The following GNS variants were observed in gnomAD, a reference collection of about 807,000 sequenced individuals.
GNS encodes N-acetylglucosamine-6-sulfatase.
Under a neutral mutation model 69.7 loss-of-function variants are expected in GNS, and 40 were observed. The ratio of observed to expected loss-of-function variants is 0.57; its 90% confidence interval spans 0.45 to 0.75. The LOEUF (loss-of-function observed/expected upper bound fraction) is 0.75, where lower values mean the gene tolerates loss of function less well. Ranked by LOEUF, GNS falls within the 30% of genes least tolerant of loss-of-function variation. GNS has a pLI of 0.00. For synonymous variants in GNS, 243 were observed against 251.6 expected, an observed-to-expected ratio of 0.97 and a Z score of 0.32; for missense variants, 565 against 685.5, an observed-to-expected ratio of 0.82 and a Z score of 1.96.
In GNS at chr12:64,716,198, CTACT is replaced by C. The variant is rs1159087658; in HGVS notation, c.*539_*542del. On this transcript the variant is annotated 3_prime_UTR_variant, in exon 14 of 14. Coordinates refer to ENST00000258145, the MANE Select transcript of GNS (RefSeq NM_002076.4). ...GATGAACATCATAAAAAATGTATCT[CTACT>C]TATCAATCAACAATGGTACTTGTTC... 1 of 176,896 alleles carries C rather than the reference CTACT, an allele frequency of 5.7e-6. No individual in the cohort carries two copies. The highest frequency in any genetic ancestry group is 1.2e-5 in the Non-Finnish European group (1 of 80,512). The allele number at this position is 176,896 out of a possible 1,614,324, so 11.0% of individuals were successfully genotyped here. A position where few individuals can be genotyped will look rare whatever the true frequency, so the allele number is the denominator to read the frequency against.
At chr12:64,750,931 T>C (rs1565628137) in intron 2 of GNS, among the ~76,000 whole-genome samples, 1 of 152,168 alleles carries the variant, frequency 6.6e-6, no homozygotes. Flanking sequence ...GAAAGAAATG[T>C]ATATAAAATG....
At chr12:64,737,941 T>G (rs781004035) in intron 8 of GNS, among the ~76,000 whole-genome samples, 1 of 152,066 alleles carries the variant, frequency 6.6e-6, no homozygotes, top group Non-Finnish European at 1.5e-5. Flanking sequence ...CACTTCTCCC[T>G]GTAAATTCGT....
At position 64,732,190 on chromosome 12, in the gene GNS, C is replaced by T. The variant is rs1175715062; in HGVS notation, c.1099-3133G>A. On this transcript the variant is annotated intron_variant, in intron 9 of 13. Coordinates refer to ENST00000258145, the MANE Select transcript of GNS (RefSeq NM_002076.4). ...TGTTGTTTTTTTTTTTTTTTTGAGA[C>T]GGAGTCTCACTCTGTCACCCAGGCT... Among the ~76,000 whole-genome samples, 7 of 35,656 alleles carry T rather than the reference C, an allele frequency of 2.0e-4. No individual in the cohort carries two copies. The Admixed American group carries it at 2.0e-3, about 10-fold the overall frequency. 23.4% of individuals were successfully genotyped at this position (35,656 alleles called of 152,430 possible).
chr12:64,731,410 G>C (rs1327354962), intron 9 of GNS, among the ~76,000 whole-genome samples: 1 of 152,144 alleles, frequency 6.6e-6, no homozygotes, highest in Admixed American at 6.5e-5. Flanking sequence ...GCTCTCTGGA[G>C]ATAAAGGGGT....
intron 9 of GNS, among the ~76,000 whole-genome samples, chr12:64,733,297 CAAAAAAAAA>C (rs961321163): frequency 1.2e-3 from 31 of 26,652 alleles, no homozygotes; most frequent in African/African-American, 2.6e-3. Flanking sequence ...GACCCTGTCT[CAAAAAAAAA>C]AAAAAAAAAA....
chr12:64,747,186 C>T (rs74099656), intron 3 of GNS, among the ~76,000 whole-genome samples: 5,140 of 152,242 alleles, frequency 0.034, 320 homozygotes, highest in African/African-American at 0.12. Flanking sequence ...ATGACCTGCA[C>T]GACCCTGACT....
rs760289073 is a variant in GNS at position 64,723,133 on chromosome 12, G to C, written c.1201-20C>G. 1.5e-6 allele frequency: 2 copies of C among 1,339,148 alleles called. No individual in the cohort carries two copies. Among genetic ancestry groups the C allele is most frequent in the Non-Finnish European group, 2.2e-6 (2 of 928,536 alleles). The allele number at this position is 1,339,148 out of a possible 1,614,324, so 83.0% of individuals were successfully genotyped here. ...ACCTCTCTAGAAAGAAGAGCAAGTG[G>C]AATTTCTGTGATGCACATAGACTAT... On this transcript the variant is annotated intron_variant, in intron 10 of 13. Coordinates refer to ENST00000258145, the MANE Select transcript of GNS (RefSeq NM_002076.4).
At chr12:64,742,099 C>A (rs1025442194) in intron 6 of GNS, among the ~76,000 whole-genome samples, 2 of 152,244 alleles carry the variant, frequency 1.3e-5, no homozygotes, top group African/African-American at 4.8e-5. Context: ...CGGCTCACGG[C>A]AAGCTCCGCC....
chr12:64,730,434 C>CAAAAAAAAAAAAAAAA (rs35692874), intron 9 of GNS, among the ~76,000 whole-genome samples: 3 of 43,378 alleles, frequency 6.9e-5, no homozygotes, highest in African/African-American at 1.0e-4. Context: ...ATATGAAAGG[C>CAAAAAAAAAAAAAAAA]AAAAAAAAAA....
At chr12:64,758,386 G>A (rs1147091) in intron 1 of GNS, among the ~76,000 whole-genome samples, 78,744 of 143,634 alleles carry the variant, frequency 0.55, 22,135 homozygotes, top group East Asian at 0.88. Flanking sequence ...GCAGTGGCGC[G>A]ATCTCGGCTC....
intron 3 of GNS, among the ~76,000 whole-genome samples, chr12:64,747,237 C>T (rs906793250): frequency 2.0e-5 from 3 of 152,174 alleles, no homozygotes; most frequent in Non-Finnish European, 4.4e-5. Flanking sequence ...CCATGTTTCA[C>T]ATCAGAAAAT....
chr12:64,737,352 AAAT>A (rs1191072541), intron 8 of GNS, among the ~76,000 whole-genome samples: 7 of 152,218 alleles, frequency 4.6e-5, no homozygotes, highest in Non-Finnish European at 1.0e-4. Flanking sequence ...AAATAAGCAA[AAAT>A]AATGACAGGA....
At position 64,725,327 on chromosome 12, in the gene GNS, A is replaced by G. The variant is rs909404303; in HGVS notation, c.1201-2214T>C. On this transcript the variant is annotated intron_variant, in intron 10 of 13. Transcript: ENST00000258145. ...TACATAAATGAATGAGTGTGGCTGT[A>G]TTCTGATATAACTTTATTTACAGAA... 3.3e-5 allele frequency among the ~76,000 whole-genome samples: 5 copies of G among 152,206 alleles called. No individual in the cohort carries two copies. In the East Asian group the frequency reaches 7.7e-4, roughly 23 times the overall value.
chr12:64,751,941 T>C (rs867788068), intron 2 of GNS, among the ~76,000 whole-genome samples: 3 of 143,406 alleles, frequency 2.1e-5, no homozygotes, highest in Non-Finnish European at 1.5e-5. Context: ...TGAGTCGAGA[T>C]TGCGCCACTC....
chr12:64,747,905 G>A lies in GNS; in HGVS notation c.266C>T (p.Ala89Val). The part of the protein sequence containing the change: ...MTFSSAYVPS[A>V]LCCPSRASIL... ...ACTGGCTCTGCTGGGGCAGCAGAGA[G>A]CACTTGGCACATACTACAAAGGAAA... Residue 89 changes from alanine (A) to valine (V), a missense_variant, in exon 3 of 14, where the codon GCT becomes GTT. Coordinates refer to ENST00000258145, the MANE Select transcript of GNS (RefSeq NM_002076.4). The A allele has an allele frequency of 6.3e-7, 1 of 1,591,654 alleles. No individual in the cohort carries two copies.
At chr12:64,726,775 T>C (rs944157957) in intron 10 of GNS, among the ~76,000 whole-genome samples, 4 of 152,040 alleles carry the variant, frequency 2.6e-5, no homozygotes, top group Non-Finnish European at 5.9e-5. Context: ...GGATTACAGG[T>C]GTGAGCCACT....
intron 8 of GNS, among the ~76,000 whole-genome samples, chr12:64,737,923 C>G (rs1286101768): frequency 2.0e-5 from 3 of 151,982 alleles, no homozygotes; most frequent in African/African-American, 4.8e-5. Context: ...TTCTGATGGA[C>G]AAAGACCCAC....
chr12:64,740,488 T>C, intron 7 of GNS, 118 bp downstream of exon 7: 1 of 742,876 alleles, frequency 1.3e-6, no homozygotes, highest in Admixed American at 1.9e-5. Flanking sequence ...TCTCTCCCAC[T>C]GACTTGCTTC....
At chr12:64,733,031 G>A (rs868805711) in intron 9 of GNS, among the ~76,000 whole-genome samples, 2 of 152,038 alleles carry the variant, frequency 1.3e-5, no homozygotes, top group South Asian at 2.1e-4. Context: ...GCTCATGCCT[G>A]TAATGAGGGG....
Sources: gnomAD v4.1 joint callset for allele counts (sites outside exome capture counted in the v4.1 genomes callset) on GRCh38, gnomAD v4.1.1 for gene constraint, MANE v1.5 for transcripts, NCBI Gene and HGNC (gene_info 2026-07-23, HGNC 2026-07-21) for gene names.